ATOSA: variants seen among roughly 807,000 people sequenced by gnomAD.
The protein encoded by ATOSA is atos homolog protein A.
the ATOSA span, among the ~76,000 whole-genome samples, chr15:52,623,499 T>C: frequency 6.6e-6 from 1 of 151,856 alleles, no homozygotes; most frequent in African/African-American, 2.4e-5. Flanking sequence ...AGCAGGGAAC[T>C]CATGACAGAG....
the ATOSA span, chr15:52,584,630 A>G: frequency 5.5e-5 from 48 of 865,644 alleles, 1 homozygote; most frequent in Non-Finnish European, 1.7e-6. Flanking sequence ...AGAGTTCCCA[A>G]GCTAAGCAAA....
At chr15:52,699,673 C>G in the ATOSA span, among the ~76,000 whole-genome samples, 1 of 152,036 alleles carries the variant, frequency 6.6e-6, no homozygotes, top group African/African-American at 2.4e-5. Context: ...TAAACAGGGC[C>G]TTTTATAATC....
chr15:52,596,894 GACTTGGAAAAAAT>G, the ATOSA span, among the ~76,000 whole-genome samples: 1 of 152,158 alleles, frequency 6.6e-6, no homozygotes, highest in Non-Finnish European at 1.5e-5. Context: ...CCAAACTTCA[GACTTGGAAAAAAT>G]ATTTGGAAAA....
At chr15:52,603,354 G>A in the ATOSA span, among the ~76,000 whole-genome samples, 1 of 152,052 alleles carries the variant, frequency 6.6e-6, no homozygotes, top group African/African-American at 2.4e-5. Flanking sequence ...TGGAACAAAA[G>A]GGAAACCCTC....
chr15:52,653,334 C>G, the ATOSA span, among the ~76,000 whole-genome samples: 1 of 152,114 alleles, frequency 6.6e-6, no homozygotes, highest in East Asian at 1.9e-4. Context: ...AAGATTTCTA[C>G]CCCTGAAGAA....
At chr15:52,687,708 A>G in the ATOSA span, among the ~76,000 whole-genome samples, 203 of 152,362 alleles carry the variant, frequency 1.3e-3, no homozygotes, top group African/African-American at 4.8e-3. Context: ...CATAAGCAAT[A>G]GGTACAGCAT....
the ATOSA span, among the ~76,000 whole-genome samples, chr15:52,686,782 T>A: frequency 3.9e-5 from 6 of 152,286 alleles, no homozygotes; most frequent in East Asian, 9.6e-4. Flanking sequence ...GCTCAAGCGG[T>A]CCTCCTACCT....
chr15:52,671,213 G>T, the ATOSA span, among the ~76,000 whole-genome samples: 53 of 152,250 alleles, frequency 3.5e-4, no homozygotes, highest in African/African-American at 1.2e-3. Flanking sequence ...AATAAGATAT[G>T]ATTAATTAAG....
At chr15:52,589,703 C>A in the ATOSA span, among the ~76,000 whole-genome samples, 1 of 152,054 alleles carries the variant, frequency 6.6e-6, no homozygotes, top group African/African-American at 2.4e-5. Context: ...GTAATAATTT[C>A]ATCATTTTAA....
chr15:52,596,532 T>A, the ATOSA span, among the ~76,000 whole-genome samples: 4 of 152,100 alleles, frequency 2.6e-5, no homozygotes, highest in Non-Finnish European at 5.9e-5. Flanking sequence ...ATACAAACTT[T>A]CAGAAGAAAA....
At chr15:52,606,707 G>T in the ATOSA span, among the ~76,000 whole-genome samples, 16 of 152,288 alleles carry the variant, frequency 1.1e-4, no homozygotes, top group African/African-American at 3.8e-4. Context: ...GTAGGTTTTT[G>T]TGACAATTAT....
chr15:52,593,626 T>A, the ATOSA span: 2 of 1,571,106 alleles, frequency 1.3e-6, no homozygotes, highest in Non-Finnish European at 8.6e-7. Flanking sequence ...AGAATGACAC[T>A]TCAACTGGAA....
the ATOSA span, among the ~76,000 whole-genome samples, chr15:52,652,506 A>G: frequency 6.6e-6 from 1 of 152,202 alleles, no homozygotes; most frequent in Non-Finnish European, 1.5e-5. Flanking sequence ...CTGGAACTTT[A>G]TATAAAGTAT....
the ATOSA span, among the ~76,000 whole-genome samples, chr15:52,708,174 A>G: frequency 2.0e-5 from 3 of 152,340 alleles, no homozygotes; most frequent in South Asian, 6.2e-4. Flanking sequence ...GTTCAACCAC[A>G]CTTTCAGCAT....
the ATOSA span, among the ~76,000 whole-genome samples, chr15:52,625,169 C>T: frequency 6.6e-6 from 1 of 151,990 alleles, no homozygotes; most frequent in Non-Finnish European, 1.5e-5. Flanking sequence ...AAATAAGGTA[C>T]AAAGACATCA....
the ATOSA span, among the ~76,000 whole-genome samples, chr15:52,637,600 A>C: frequency 2.0e-5 from 3 of 152,260 alleles, no homozygotes; most frequent in Non-Finnish European, 4.4e-5. Context: ...TCTGCATCTC[A>C]TCTCTTACCG....
At chr15:52,607,742 T>C in the ATOSA span, among the ~76,000 whole-genome samples, 1 of 152,234 alleles carries the variant, frequency 6.6e-6, no homozygotes. Context: ...ACCTAATATG[T>C]AATATAACTG....
chr15:52,619,625 G>T, the ATOSA span, among the ~76,000 whole-genome samples: 1 of 152,126 alleles, frequency 6.6e-6, no homozygotes, highest in South Asian at 2.1e-4. Flanking sequence ...TTGAGGTCAG[G>T]GGTTCGAGAC....
the ATOSA span, among the ~76,000 whole-genome samples, chr15:52,664,107 C>T: frequency 1.3e-5 from 2 of 152,310 alleles, no homozygotes; most frequent in African/African-American, 4.8e-5. Flanking sequence ...TTTAACTTCA[C>T]AGAAGGCCAC....
Sources: allele counts gnomAD v4.1 joint callset (sites outside exome capture counted in the v4.1 genomes callset), GRCh38; gene constraint gnomAD v4.1.1; transcripts MANE v1.5; gene names NCBI Gene and HGNC (gene_info 2026-07-23, HGNC 2026-07-21).